Variants in RNF4 observed in about 807,000 individuals in gnomAD.
RNF4 encodes ring finger protein 4.
RNF4 carries 7 observed loss-of-function variants against 24.3 expected under a neutral mutation model. The observed-to-expected ratio is 0.29, with a 90% CI of 0.16 to 0.54. The LOEUF is 0.54. RNF4 is among the 20% of genes least tolerant of loss of function. The pLI is 0.95. For synonymous variants in RNF4, 83 were observed against 84.3 expected (o/e 0.98, Z 0.09); for missense variants, 209 against 248.5 (o/e 0.84, Z 1.07).
intron 2 of RNF4, among the ~76,000 whole-genome samples, chr4:2,490,978 C>A (rs1400227949): frequency 3.3e-5 from 5 of 152,156 alleles, no homozygotes; most frequent in Non-Finnish European, 7.3e-5. Context: ...GTCCCAGCTA[C>A]TTGGGAGGCT....
intron 1 of RNF4, among the ~76,000 whole-genome samples, chr4:2,473,394 CAATT>C (rs1279665521): frequency 2.0e-5 from 3 of 151,452 alleles, no homozygotes; most frequent in Admixed American, 6.6e-5. Context: ...AAAAAAAAAT[CAATT>C]AACACAACAA....
intron 2 of RNF4, among the ~76,000 whole-genome samples, chr4:2,496,657 C>G (rs1337279709): frequency 1.3e-5 from 2 of 152,098 alleles, no homozygotes; most frequent in African/African-American, 4.8e-5. Context: ...GATGAGGCTT[C>G]ACCATGTTGG....
At position 2,500,708 on chromosome 4, in the gene RNF4, G is replaced by T. The variant is rs567722392; in HGVS notation, c.174G>T (p.Val58=). Residue 58 remains valine (V), a synonymous_variant, in exon 4 of 8, where the codon GTG becomes GTT. Coordinates refer to ENST00000314289, the MANE Select transcript of RNF4 (RefSeq NM_002938.5). ...CTTGTGAATCTTTAGAGCCTGTGGTGGTTGATCTGACTCACAATGACTCTG... is the reference window on the plus strand; with the variant it reads ...CTTGTGAATCTTTAGAGCCTGTGGTTGTTGATCTGACTCACAATGACTCTG... ...DLTCESLEPV[V]VDLTHNDSVV... 3.1e-6 allele frequency: 5 copies of T among 1,613,912 alleles called. No individual in the cohort carries two copies. Among genetic ancestry groups the T allele is most frequent in the Non-Finnish European group, 4.2e-6 (5 of 1,179,850 alleles).
Position 2,512,598 on chromosome 4 carries a change from G to A in RNF4, c.374+1G>A. ...GGGATGAGGGCGCTACAGGCCTCAG[G>A]TACCAACGTGCCCCCAGCTCTGCTG... On this transcript the variant is annotated splice_donor_variant, in intron 6 of 7. Coordinates refer to ENST00000314289, the MANE Select transcript of RNF4 (RefSeq NM_002938.5). LOFTEE classifies it high-confidence loss of function. This position sits in a 1 kb window ranked among gnomAD's most constrained non-coding sequence, Gnocchi z 4.1. 6.2e-7 allele frequency: 1 copy of A among 1,613,602 alleles called. No individual in the cohort carries two copies. The highest frequency in any genetic ancestry group is 8.5e-7 in the Non-Finnish European group (1 of 1,179,662).
At position 2,500,649 on chromosome 4, in the gene RNF4, T is replaced by C. The variant is rs375494181; in HGVS notation, c.125-10T>C. On this transcript the variant is annotated splice_polypyrimidine_tract_variant and intron_variant, in intron 3 of 7. Transcript: ENST00000314289. ...AATCTTAATGCTTGTTGAAATACTT[T>C]CTTTTGAAGCTGGAGATGAAATTGT... The C allele has an allele frequency of 1.9e-6, 3 of 1,613,590 alleles. No homozygotes were observed. The African/African-American group carries it at 4.0e-5, about 21-fold the overall frequency.
At chr4:2,483,231 T>C (rs1304940966) in intron 1 of RNF4, among the ~76,000 whole-genome samples, 1 of 152,114 alleles carries the variant, frequency 6.6e-6, no homozygotes, top group Non-Finnish European at 1.5e-5. Context: ...AGCAAATTAG[T>C]TGATAGAGCT....
chr4:2,497,735 C>T (rs766592879), intron 3 of RNF4, among the ~76,000 whole-genome samples: 6 of 152,072 alleles, frequency 3.9e-5, no homozygotes, highest in Non-Finnish European at 7.4e-5. Context: ...CCTGGGTTCA[C>T]GCCATTCTCC....
In RNF4 at chr4:2,513,737, G is replaced by A. The variant is rs377313523; in HGVS notation, c.491G>A (p.Arg164His). ...CGHVFCSQCL[R>H]DSLKNANTCP... ...CATGTCTTCTGTAGCCAGTGCCTCC[G>A]TGATTCCCTGAAGAATGCTAATACT... The change falls in exon 8 of 8, where the codon CGT (arginine) becomes CAT (histidine). Residue 164 changes from arginine (R) to histidine (H), a missense_variant. By Grantham distance (29) the Arg-to-His change is conservative. Around this residue, in one of 3 missense-constraint regions of RNF4, gnomAD observed 10 missense variants for 35.0 expected, o/e 0.29. Transcript: ENST00000314289. 1.6e-5 allele frequency: 26 copies of A among 1,613,842 alleles called. No homozygotes were observed. In the East Asian group the frequency reaches 1.8e-4, roughly 11 times the overall value.
chr4:2,512,784 T>G lies in RNF4; in HGVS notation c.374+187T>G, dbSNP rs560787785. On this transcript the variant is annotated intron_variant, in intron 6 of 7. Transcript: ENST00000314289. The surrounding 1 kb of genome is among the most constrained non-coding windows in gnomAD (Gnocchi z 4.1). ...AGCTATTCCCACTGTAACCAGAGGA[T>G]GCCAAGCGCTGACACAGTGTGTGCA... 6.6e-6 allele frequency among the ~76,000 whole-genome samples: 1 copy of G among 152,296 alleles called. No individual in the cohort carries two copies. Among genetic ancestry groups the G allele is most frequent in the East Asian group, 1.9e-4 (1 of 5,186 alleles).
In RNF4 at chr4:2,507,187, T is replaced by TGGAA. The variant is rs536611656; in HGVS notation, c.205-4755_205-4752dup. Among the ~76,000 whole-genome samples, 138 of 141,410 alleles carry TGGAA rather than the reference T, an allele frequency of 9.8e-4. 1 individual carries two copies. The South Asian group carries it at 0.01, about 11-fold the overall frequency. The allele number at this position is 141,410 out of a possible 152,430, so 92.8% of individuals were successfully genotyped here. ...AAAGGATGCTTGATAAAGGCTTTTC[T>TGGAA]GGAAGGAAGGAAGGAAGAGGGAGGG... On this transcript the variant is annotated intron_variant, in intron 4 of 7. Coordinates refer to ENST00000314289, the MANE Select transcript of RNF4 (RefSeq NM_002938.5).
intron 1 of RNF4, among the ~76,000 whole-genome samples, chr4:2,481,861 C>A (rs756484183): frequency 6.6e-6 from 1 of 152,206 alleles, no homozygotes; most frequent in Non-Finnish European, 1.5e-5. Context: ...TCGTACACCA[C>A]TATGCCCGGC....
intron 1 of RNF4, among the ~76,000 whole-genome samples, chr4:2,477,051 G>C (rs1233228407): frequency 6.6e-6 from 1 of 151,960 alleles, no homozygotes; most frequent in Non-Finnish European, 1.5e-5. Context: ...CAAAGTGCTG[G>C]GATTATAAGC....
chr4:2,496,953 G>A, intron 2 of RNF4, 54 bp from the exon 3 acceptor site: 2 of 1,370,948 alleles, frequency 1.5e-6, no homozygotes, highest in Non-Finnish European at 1.0e-6. Context: ...AGTTCTTCCT[G>A]AAACCCTGAC....
Position 2,512,660 on chromosome 4 carries a change from A to T in RNF4, c.374+63A>T. The T allele has an allele frequency of 1.3e-6, 2 of 1,572,772 alleles. No individual in the cohort carries two copies. The highest frequency in any genetic ancestry group is 1.7e-6 in the Non-Finnish European group (2 of 1,156,902). On this transcript the variant is annotated intron_variant, in intron 6 of 7. Transcript: ENST00000314289. The surrounding 1 kb of genome is among the most constrained non-coding windows in gnomAD (Gnocchi z 4.1). ...GGATGTGGGGCCAGGGCATGGGAATACTTTTCAGCAAATCTGTGAGCCCTT... is the reference window on the plus strand; with the variant it reads ...GGATGTGGGGCCAGGGCATGGGAATTCTTTTCAGCAAATCTGTGAGCCCTT...
intron 4 of RNF4, chr4:2,505,405 C>G (rs181952063): frequency 2.0e-5 from 3 of 151,598 alleles, no homozygotes; most frequent in East Asian, 1.9e-4. Flanking sequence ...GGCTCACTGC[C>G]AGCTCCGCCT....
chr4:2,479,495 G>A (rs1049715028), intron 1 of RNF4, among the ~76,000 whole-genome samples: 1 of 152,150 alleles, frequency 6.6e-6, no homozygotes, highest in South Asian at 2.1e-4. Flanking sequence ...TCTTTCCCAT[G>A]TTCTGGTGAT....
At position 2,513,839 on chromosome 4, in the gene RNF4, G is replaced by A; in HGVS notation, c.*20G>A. 6.2e-7 allele frequency: 1 copy of A among 1,613,662 alleles called. No homozygotes were observed. Among genetic ancestry groups the A allele is most frequent in the Non-Finnish European group, 8.5e-7 (1 of 1,179,798 alleles). The stretch of plus-strand genomic sequence containing the variant: ...ATATGAAGTATTCAGAGCCCCCCAG[G>A]AGAGACGGATGGACAGACAGACAGC... On this transcript the variant is annotated 3_prime_UTR_variant, in exon 8 of 8. Transcript: ENST00000314289.
At chr4:2,473,804 C>T (rs150805793) in intron 1 of RNF4, among the ~76,000 whole-genome samples, 211 of 151,354 alleles carry the variant, frequency 1.4e-3, no homozygotes, top group African/African-American at 5.0e-3. Context: ...GAGCGAGACT[C>T]TGTCTAGAAA....
intron 1 of RNF4, among the ~76,000 whole-genome samples, chr4:2,476,754 G>T (rs189323296): frequency 6.7e-6 from 1 of 149,282 alleles, no homozygotes; most frequent in Non-Finnish European, 1.5e-5. Context: ...TATGTTTCCC[G>T]GGCAGGAGTG....
Sources: allele counts gnomAD v4.1 joint callset (sites outside exome capture counted in the v4.1 genomes callset), GRCh38; gene constraint gnomAD v4.1.1; regional missense constraint gnomAD v4.1.1; non-coding constraint Gnocchi (gnomAD v3.1); transcripts MANE v1.5; gene names NCBI Gene and HGNC (gene_info 2026-07-23, HGNC 2026-07-21).